EXOC4: variants seen among roughly 807,000 people sequenced by gnomAD.
EXOC4 encodes exocyst complex component 4, also known as SEC8-like 1.
A neutral mutation model predicts 107.2 loss-of-function variants in EXOC4; 71 were observed. That is an observed-to-expected ratio of 0.66 (90% CI 0.55 to 0.81). The LOEUF is 0.81. Ranked by LOEUF, EXOC4 falls within the 30% of genes least tolerant of loss-of-function variation. The pLI is 0.00. For synonymous variants in EXOC4, 456 were observed against 441.2 expected (o/e 1.03, Z -0.42); for missense variants, 1,108 against 1,189.6 (o/e 0.93, Z 1.01).
intron 3 of EXOC4, among the ~76,000 whole-genome samples, chr7:133,296,987 G>A (rs183124534): frequency 9.2e-5 from 14 of 152,192 alleles, no homozygotes; most frequent in African/African-American, 3.4e-4. Context: ...ATTGGTGTAG[G>A]GTATAGCTTG....
At chr7:133,902,358 G>A (rs2116559860) in intron 12 of EXOC4, among the ~76,000 whole-genome samples, 1 of 152,162 alleles carries the variant, frequency 6.6e-6, no homozygotes, top group East Asian at 1.9e-4. Flanking sequence ...CAAACACAGT[G>A]GATCACTGCA....
chr7:133,686,966 TATCA>T (rs1320786130), intron 10 of EXOC4, among the ~76,000 whole-genome samples: 1 of 151,308 alleles, frequency 6.6e-6, no homozygotes, highest in African/African-American at 2.4e-5. Context: ...CCCAAATGCC[TATCA>T]ATCAATGAGG....
chr7:133,898,893 G>A (rs746314087), intron 12 of EXOC4, among the ~76,000 whole-genome samples: 4 of 151,442 alleles, frequency 2.6e-5, no homozygotes, highest in African/African-American at 7.3e-5. Flanking sequence ...CAGGAGAATC[G>A]CTTGAACCTG....
At chr7:133,642,795 C>T (rs1264558226) in intron 10 of EXOC4, among the ~76,000 whole-genome samples, 1 of 152,130 alleles carries the variant, frequency 6.6e-6, no homozygotes, top group Non-Finnish European at 1.5e-5. Context: ...TCTCAGGCCC[C>T]CTTGTACACT....
chr7:133,690,036 G>A (rs1794386923), intron 10 of EXOC4, among the ~76,000 whole-genome samples: 1 of 152,168 alleles, frequency 6.6e-6, no homozygotes, highest in African/African-American at 2.4e-5. Context: ...TTAAAGCACA[G>A]GGAACTTCTT....
chr7:133,516,941 C>T (rs913108441), intron 9 of EXOC4, among the ~76,000 whole-genome samples: 1 of 151,242 alleles, frequency 6.6e-6, no homozygotes, highest in Non-Finnish European at 1.5e-5. Flanking sequence ...GTAAATATAC[C>T]ATTTATACAC....
intron 5 of EXOC4, among the ~76,000 whole-genome samples, chr7:133,342,646 C>T (rs897451996): frequency 6.7e-6 from 1 of 149,150 alleles, no homozygotes; most frequent in Non-Finnish European, 1.5e-5. Flanking sequence ...TCTTCTTCCT[C>T]AGGAACACCA....
At chr7:133,408,086 A>G (rs1215328235) in intron 7 of EXOC4, among the ~76,000 whole-genome samples, 2 of 152,030 alleles carry the variant, frequency 1.3e-5, no homozygotes, top group Non-Finnish European at 2.9e-5. Context: ...ATAGATGATG[A>G]TGGTGGTGGC....
At chr7:133,717,355 A>G (rs898332892) in intron 10 of EXOC4, among the ~76,000 whole-genome samples, 14 of 152,202 alleles carry the variant, frequency 9.2e-5, no homozygotes, top group Non-Finnish European at 1.9e-4. Flanking sequence ...TGTATTTCTC[A>G]TTCAGTTGTA....
intron 17 of EXOC4, among the ~76,000 whole-genome samples, chr7:134,024,943 G>A (rs1220356961): frequency 6.6e-6 from 1 of 152,180 alleles, no homozygotes; most frequent in East Asian, 1.9e-4. Context: ...TTTAGCAGCA[G>A]CTGTGGTGGT....
intron 6 of EXOC4, among the ~76,000 whole-genome samples, chr7:133,364,145 A>G (rs928501357): frequency 6.6e-6 from 1 of 151,868 alleles, no homozygotes; most frequent in Non-Finnish European, 1.5e-5. Context: ...ATTTTTATGG[A>G]GATGTGGTCT....
At chr7:133,864,406 C>T (rs1483881348) in intron 11 of EXOC4, among the ~76,000 whole-genome samples, 1 of 152,148 alleles carries the variant, frequency 6.6e-6, no homozygotes, top group African/African-American at 2.4e-5. Context: ...TCTTCTCACT[C>T]TACTACACCT....
chr7:133,736,221 C>T (rs1041984345), intron 10 of EXOC4, among the ~76,000 whole-genome samples: 7 of 152,236 alleles, frequency 4.6e-5, no homozygotes, highest in African/African-American at 1.7e-4. Flanking sequence ...TCTTCTACCC[C>T]AAGTTTATCC....
chr7:133,800,596 C>T (rs1796918067), intron 10 of EXOC4, among the ~76,000 whole-genome samples: 1 of 152,134 alleles, frequency 6.6e-6, no homozygotes, highest in Non-Finnish European at 1.5e-5. Context: ...AATTTTCAGT[C>T]CTCTGATGAT....
At chr7:133,682,684 C>G (rs1035049989) in intron 10 of EXOC4, among the ~76,000 whole-genome samples, 1 of 152,188 alleles carries the variant, frequency 6.6e-6, no homozygotes, top group Non-Finnish European at 1.5e-5. Context: ...ACCCTGAGCA[C>G]TTTCTTAAGC....
At chr7:133,844,105 G>A (rs1273152877) in intron 11 of EXOC4, among the ~76,000 whole-genome samples, 1 of 152,044 alleles carries the variant, frequency 6.6e-6, no homozygotes, top group Non-Finnish European at 1.5e-5. Flanking sequence ...ATTTTATTAA[G>A]GATATTGGCC....
chr7:133,365,267 T>G (rs1379929823), intron 6 of EXOC4, among the ~76,000 whole-genome samples: 1 of 152,182 alleles, frequency 6.6e-6, no homozygotes, highest in African/African-American at 2.4e-5. Flanking sequence ...AAATCTTAAC[T>G]TTTGTTATCC....
At chr7:133,885,528 C>T (rs564817481) in intron 11 of EXOC4, among the ~76,000 whole-genome samples, 1 of 152,250 alleles carries the variant, frequency 6.6e-6, no homozygotes, top group South Asian at 2.1e-4. Flanking sequence ...AAGGCACAGT[C>T]ACTGATCAAC....
chr7:133,919,778 A>G (rs982729068), intron 13 of EXOC4, among the ~76,000 whole-genome samples: 1 of 152,024 alleles, frequency 6.6e-6, no homozygotes, highest in Non-Finnish European at 1.5e-5. Context: ...CACTCTATTC[A>G]CTCATCTATT....
Sources: allele counts gnomAD v4.1 joint callset (sites outside exome capture counted in the v4.1 genomes callset), GRCh38; gene constraint gnomAD v4.1.1; transcripts MANE v1.5; gene names NCBI Gene and HGNC (gene_info 2026-07-23, HGNC 2026-07-21).